Variants in PCTP observed in about 807,000 individuals in gnomAD.
The protein encoded by PCTP is phosphatidylcholine transfer protein, also known as START domain-containing protein 2.
Under a neutral mutation model 31.0 loss-of-function variants are expected in PCTP, and 27 were observed. That is an observed-to-expected ratio of 0.87 (90% CI 0.64 to 1.20). The LOEUF (loss-of-function observed/expected upper bound fraction) is 1.20. Among genes scored for constraint, PCTP ranks in the 50% most tolerant of loss-of-function variants. The probability of loss-of-function intolerance (pLI) is 0.00; values close to 1 mark genes in which losing one functional copy is unlikely to be tolerated. For synonymous variants in PCTP, 108 were observed against 101.2 expected (o/e 1.07, Z -0.40); for missense variants, 287 against 268.2 (o/e 1.07, Z -0.49).
chr17:55,834,348 C>T (rs1220512917), intron 5 of PCTP, among the ~76,000 whole-genome samples: 2 of 148,296 alleles, frequency 1.3e-5, no homozygotes, highest in Non-Finnish European at 3.0e-5. Flanking sequence ...GATGCTCTCC[C>T]TCTCCCTGCT....
chr17:55,763,252 C>T (rs1910436251), intron 1 of PCTP, among the ~76,000 whole-genome samples: 1 of 152,074 alleles, frequency 6.6e-6, no homozygotes. Context: ...ATAAGTTTTG[C>T]TTTTTCATAT....
intron 3 of PCTP, among the ~76,000 whole-genome samples, chr17:55,792,287 C>A (rs1912021399): frequency 6.7e-6 from 1 of 148,542 alleles, no homozygotes. Context: ...GCACATGTAC[C>A]CTAAAACTTA....
intron 3 of PCTP, among the ~76,000 whole-genome samples, chr17:55,819,897 A>T (rs549742297): frequency 6.6e-6 from 1 of 152,338 alleles, no homozygotes; most frequent in South Asian, 2.1e-4. Context: ...TCCATGAAGG[A>T]GTATCAAGAA....
At chr17:55,851,227 T>C in the PCTP span, among the ~76,000 whole-genome samples, 1 of 152,262 alleles carries the variant, frequency 6.6e-6, no homozygotes, top group Non-Finnish European at 1.5e-5. Context: ...CATAGTCATC[T>C]TAGTCATTAC....
chr17:55,788,473 A>G (rs910918791), intron 3 of PCTP, among the ~76,000 whole-genome samples: 48 of 152,318 alleles, frequency 3.2e-4, no homozygotes, highest in Admixed American at 1.8e-3. Flanking sequence ...AGATTTATCA[A>G]GGGCTAACTC....
chr17:55,775,872 C>A (rs1489811571), intron 5 of PCTP, 163 bp from the exon 6 acceptor site: 5 of 1,389,540 alleles, frequency 3.6e-6, no homozygotes, highest in East Asian at 2.7e-5. Flanking sequence ...CTCAGTCCTA[C>A]TTTTTGTCAT....
downstream of PCTP, among the ~76,000 whole-genome samples, chr17:55,843,625 A>T (rs958933141): frequency 4.6e-5 from 7 of 152,238 alleles, no homozygotes; most frequent in Non-Finnish European, 1.0e-4. Context: ...AGTCAGACTG[A>T]ATAGGGATCT....
chr17:55,835,861 G>T, intron 5 of PCTP, among the ~76,000 whole-genome samples: 1 of 152,170 alleles, frequency 6.6e-6, no homozygotes, highest in African/African-American at 2.4e-5. Flanking sequence ...TACCAGTAAT[G>T]AAAACTGAGG....
chr17:55,775,581 A>G, intron 5 of PCTP: 1 of 1,170,508 alleles, frequency 8.5e-7, no homozygotes, highest in African/African-American at 1.6e-5. Context: ...GAGGGGGAGT[A>G]AATAAGACAA....
chr17:55,824,018 C>T (rs1324359545), downstream of PCTP, among the ~76,000 whole-genome samples: 1 of 152,212 alleles, frequency 6.6e-6, no homozygotes, highest in Admixed American at 6.5e-5. Context: ...AATTAGATCT[C>T]AGATCTACTG....
Position 55,833,241 on chromosome 17 carries a change from AT to A in PCTP, n.506-9485del, listed in dbSNP as rs199776612. Among the ~76,000 whole-genome samples the A allele has an allele frequency of 6.9e-3, 1,053 of 152,338 alleles. 35 individuals carry two copies. The highest frequency in any genetic ancestry group is 0.056 in the Admixed American group (849 of 15,296). Reference sequence around the variant, plus strand: ...TGAGAGATAAGAAACTTGAGACCCAATAGACGTTCCACAGCAAGTATAGATA... The same window carrying A: ...TGAGAGATAAGAAACTTGAGACCCAAAGACGTTCCACAGCAAGTATAGATA... On this transcript the variant is annotated intron_variant and non_coding_transcript_variant, in intron 5 of 5. Coordinates refer to the PCTP transcript ENST00000576221.
chr17:55,751,079 G>T lies in PCTP; in HGVS notation c.-25G>T. The T allele has an allele frequency of 6.6e-7, 1 of 1,509,752 alleles. No individual in the cohort carries two copies. The highest frequency in any genetic ancestry group is 8.8e-7 in the Non-Finnish European group (1 of 1,130,390). The allele number at this position is 1,509,752 out of a possible 1,614,324, so 93.5% of individuals were successfully genotyped here. On this transcript the variant is annotated 5_prime_UTR_variant, in exon 1 of 6. Coordinates refer to ENST00000268896, the MANE Select transcript of PCTP (RefSeq NM_021213.4). ...AGGGTGTCCGCGGCCTGCCCTCCAGGCGGAGGAGCCCGGACTGCGGAAGGA... is the reference window on the plus strand; with the variant it reads ...AGGGTGTCCGCGGCCTGCCCTCCAGTCGGAGGAGCCCGGACTGCGGAAGGA...
At position 55,776,350 on chromosome 17, in the gene PCTP, GCTGCCTTCTT is replaced by G; in HGVS notation, c.*253_*262del. The G allele has an allele frequency of 7.4e-7, 1 of 1,346,570 alleles. No individual in the cohort carries two copies. The highest frequency in any genetic ancestry group is 9.5e-7 in the Non-Finnish European group (1 of 1,053,494). The allele number at this position is 1,346,570 out of a possible 1,614,324, so 83.4% of individuals were successfully genotyped here. On this transcript the variant is annotated 3_prime_UTR_variant, in exon 6 of 6. Coordinates refer to ENST00000268896, the MANE Select transcript of PCTP (RefSeq NM_021213.4). ...TCTCGCTCCCCCCATCCTGGGCTGG[GCTGCCTTCTT>G]CTACAGTTCAATATGGGGCAGACTA... is the stretch of plus-strand genomic sequence containing the variant.
rs1905576583 is a variant in PCTP, at chr17:55,831,004, T to A, written n.505+8077T>A. 2.6e-5 allele frequency among the ~76,000 whole-genome samples: 4 copies of A among 152,192 alleles called. No homozygotes were observed. In the South Asian group the frequency reaches 8.3e-4, roughly 31 times the overall value. On this transcript the variant is annotated intron_variant and non_coding_transcript_variant, in intron 5 of 5. Coordinates refer to the PCTP transcript ENST00000576221. The stretch of plus-strand genomic sequence containing the variant: ...AACCCTCTTGCCAGCTGTCGGCGCC[T>A]TCTCTTCCTGCCAGGTTTGCAGGGC...
At chr17:55,772,098 G>A (rs1023277137) in intron 3 of PCTP, among the ~76,000 whole-genome samples, 1 of 152,178 alleles carries the variant, frequency 6.6e-6, no homozygotes, top group African/African-American at 2.4e-5. Context: ...TCTATCACAT[G>A]AGCTGAGAAA....
exon 4 of PCTP, chr17:55,823,076 A>G (rs921870621): frequency 7.2e-6 from 2 of 276,148 alleles, no homozygotes; most frequent in Non-Finnish European, 1.3e-5. Flanking sequence ...AATAAAATGG[A>G]CAAAATTACC....
At chr17:55,780,636 T>C (rs1044377564), downstream of PCTP, among the ~76,000 whole-genome samples, 2 of 152,196 alleles carry the variant, frequency 1.3e-5, no homozygotes, top group African/African-American at 2.4e-5. Flanking sequence ...TGTAGAAAAC[T>C]TGGAGTCACT....
intron 3 of PCTP, among the ~76,000 whole-genome samples, chr17:55,803,986 A>C (rs545347846): frequency 6.6e-6 from 1 of 152,326 alleles, no homozygotes; most frequent in South Asian, 2.1e-4. Context: ...TCTAATATCC[A>C]GAATCTACAA....
intron 3 of PCTP, among the ~76,000 whole-genome samples, chr17:55,790,793 G>A (rs1166439388): frequency 2.0e-5 from 3 of 148,862 alleles, no homozygotes; most frequent in African/African-American, 5.1e-5. Flanking sequence ...TCACAGAATT[G>A]GAAAAAACTA....
Sources: allele counts gnomAD v4.1 joint callset (sites outside exome capture counted in the v4.1 genomes callset), GRCh38; gene constraint gnomAD v4.1.1; transcripts MANE v1.5; gene names NCBI Gene and HGNC (gene_info 2026-07-23, HGNC 2026-07-21).